SUGCT: variants seen among roughly 807,000 people sequenced by gnomAD.
SUGCT encodes the protein succinyl-CoA:glutarate CoA-transferase.
In SUGCT, 41 loss-of-function variants were observed where a neutral mutation model predicts 55.0. The ratio of observed to expected loss-of-function variants is 0.74; its 90% CI spans 0.58 to 0.97. The LOEUF is 0.97. SUGCT is among the 50% of genes least tolerant of loss of function. The pLI is 0.00. For missense variants in SUGCT, 568 were observed against 547.8 expected (o/e 1.04, Z -0.37); for synonymous variants, 187 against 200.4 (o/e 0.93, Z 0.56).
At chr7:40,173,017 C>G (rs1442818172) in intron 1 of SUGCT, among the ~76,000 whole-genome samples, 2 of 152,180 alleles carry the variant, frequency 1.3e-5, no homozygotes, top group Non-Finnish European at 2.9e-5. Context: ...ACGGGTGGGT[C>G]TTTGTTCTTA....
the SUGCT span, among the ~76,000 whole-genome samples, chr7:40,983,661 T>A: frequency 6.6e-6 from 1 of 152,210 alleles, no homozygotes; most frequent in Non-Finnish European, 1.5e-5. Flanking sequence ...GCTTCATTTT[T>A]GTGAATTAAA....
intron 9 of SUGCT, among the ~76,000 whole-genome samples, chr7:40,400,401 G>A (rs1785998209): frequency 6.6e-6 from 1 of 152,208 alleles, no homozygotes; most frequent in African/African-American, 2.4e-5. Context: ...GGCAAAGGAG[G>A]AGCAGGCAGG....
chr7:40,443,111 C>A (rs1788611150), intron 9 of SUGCT, among the ~76,000 whole-genome samples: 1 of 152,128 alleles, frequency 6.6e-6, no homozygotes, highest in South Asian at 2.1e-4. Context: ...TTTTCTTAAT[C>A]CAGTCTATCA....
chr7:40,518,107 C>G (rs1412242478), intron 12 of SUGCT, among the ~76,000 whole-genome samples: 1 of 152,040 alleles, frequency 6.6e-6, no homozygotes, highest in African/African-American at 2.4e-5. Context: ...TCAAAATTCA[C>G]TCAAGCCTAC....
intron 9 of SUGCT, among the ~76,000 whole-genome samples, chr7:40,411,058 GA>G (rs1015309853): frequency 1.1e-4 from 17 of 152,138 alleles, no homozygotes; most frequent in Non-Finnish European, 1.5e-4. Context: ...TATAGAGTGG[GA>G]AAAATGGCTC....
chr7:40,149,332 C>T (rs1332441087), intron 1 of SUGCT, among the ~76,000 whole-genome samples: 1 of 152,152 alleles, frequency 6.6e-6, no homozygotes, highest in Non-Finnish European at 1.5e-5. Context: ...TCCAAGCTGT[C>T]CTTGTTCATT....
chr7:40,977,472 T>C, the SUGCT span, among the ~76,000 whole-genome samples: 1 of 152,230 alleles, frequency 6.6e-6, no homozygotes, highest in Non-Finnish European at 1.5e-5. Context: ...TTGTATGTGC[T>C]ATCTCATTTT....
At position 40,325,898 on chromosome 7, in the gene SUGCT, C is replaced by CT. The variant is rs71560191; in HGVS notation, c.816+9053dup. Among the ~76,000 whole-genome samples, 373 of 122,174 alleles carry CT rather than the reference C, an allele frequency of 3.1e-3. 6 individuals carry two copies. The highest frequency in any genetic ancestry group is 9.1e-3 in the African/African-American group (305 of 33,362). 80.2% of individuals were successfully genotyped at this position (122,174 alleles called of 152,430 possible). ...AGCTGGATGCATCATGGATGTGCGTCTTTTTTTTTTGTTTGTTTTTGGCAG... is the reference window on the plus strand; with the variant it reads ...AGCTGGATGCATCATGGATGTGCGTCTTTTTTTTTTTGTTTGTTTTTGGCAG... On this transcript the variant is annotated intron_variant, in intron 9 of 13. Coordinates refer to ENST00000335693, the MANE Select transcript of SUGCT (RefSeq NM_001193313.2).
In SUGCT at chr7:40,806,337, C is replaced by T. The variant is rs150521741; in HGVS notation, c.1154-53979C>T. ...CCACCCTGCTTTAAATCTCTTTTAT[C>T]TTGTTCATATTTATATGAATGTTTA... On this transcript the variant is annotated intron_variant, in intron 13 of 13. Coordinates refer to ENST00000335693, the MANE Select transcript of SUGCT (RefSeq NM_001193313.2). 7.4e-3 allele frequency among the ~76,000 whole-genome samples: 1,129 copies of T among 152,156 alleles called. 20 individuals are homozygous for T. The highest frequency in any genetic ancestry group is 0.025 in the African/African-American group (1,047 of 41,512).
intron 6 of SUGCT, among the ~76,000 whole-genome samples, chr7:40,219,214 T>C (rs1319905907): frequency 6.6e-6 from 1 of 151,906 alleles, no homozygotes; most frequent in Non-Finnish European, 1.5e-5. Flanking sequence ...AGGAAGAAAC[T>C]CCAGACATGT....
At chr7:40,392,374 G>A (rs556292657) in intron 9 of SUGCT, among the ~76,000 whole-genome samples, 2 of 152,266 alleles carry the variant, frequency 1.3e-5, no homozygotes, top group South Asian at 2.1e-4. Flanking sequence ...GAGATAGAGA[G>A]GTGGACAGGT....
At chr7:40,227,408 T>C (rs1482977498) in intron 6 of SUGCT, among the ~76,000 whole-genome samples, 1 of 152,032 alleles carries the variant, frequency 6.6e-6, no homozygotes, top group East Asian at 1.9e-4. Context: ...TCATGGCCAA[T>C]CTTACTTTGG....
At chr7:40,939,129 G>A in the SUGCT span, among the ~76,000 whole-genome samples, 1 of 152,146 alleles carries the variant, frequency 6.6e-6, no homozygotes, top group Admixed American at 6.5e-5. Context: ...ACGTGGGTGG[G>A]GAAGCCTCAC....
the SUGCT span, among the ~76,000 whole-genome samples, chr7:40,936,057 C>G: frequency 6.6e-6 from 1 of 152,050 alleles, no homozygotes; most frequent in Non-Finnish European, 1.5e-5. Context: ...CTATTCAAAT[C>G]CTTTGCCCAT....
At chr7:41,031,716 T>C in the SUGCT span, among the ~76,000 whole-genome samples, 13 of 152,290 alleles carry the variant, frequency 8.5e-5, no homozygotes, top group African/African-American at 3.1e-4. Flanking sequence ...TACTTACCAT[T>C]TCTCCTAGAA....
At chr7:40,240,894 A>G (rs1282614593) in intron 7 of SUGCT, among the ~76,000 whole-genome samples, 1 of 152,158 alleles carries the variant, frequency 6.6e-6, no homozygotes, top group African/African-American at 2.4e-5. Flanking sequence ...CCTGTTAAGC[A>G]TTAGCCGATT....
the SUGCT span, among the ~76,000 whole-genome samples, chr7:41,035,973 AC>A: frequency 1.3e-5 from 2 of 152,068 alleles, no homozygotes; most frequent in Non-Finnish European, 2.9e-5. Context: ...TGCCTTTGGA[AC>A]CCCCTGTGGT....
chr7:40,381,038 G>A (rs1193159571), intron 9 of SUGCT, among the ~76,000 whole-genome samples: 1 of 152,176 alleles, frequency 6.6e-6, no homozygotes, highest in Middle Eastern at 3.4e-3. Flanking sequence ...ACCATCATTT[G>A]TCATATTTTT....
chr7:40,674,299 A>C (rs553716124), intron 12 of SUGCT, among the ~76,000 whole-genome samples: 2 of 152,216 alleles, frequency 1.3e-5, no homozygotes, highest in African/African-American at 2.4e-5. Flanking sequence ...TTTATTGCCA[A>C]ATCTGATGCT....
Sources: allele counts gnomAD v4.1 joint callset (sites outside exome capture counted in the v4.1 genomes callset), GRCh38; gene constraint gnomAD v4.1.1; transcripts MANE v1.5; gene names NCBI Gene and HGNC (gene_info 2026-07-23, HGNC 2026-07-21).